The following ZNF268 variants were observed in gnomAD, a reference collection of about 807,000 sequenced individuals.
ZNF268 encodes zinc finger protein 268, also known as zinc finger protein 3.
ZNF268 carries 20 observed loss-of-function variants against 29.3 expected under a neutral mutation model. That is an observed-to-expected ratio of 0.68 (90% CI 0.48 to 0.99). The LOEUF (loss-of-function observed/expected upper bound fraction) is 0.99. Among genes scored for constraint, ZNF268 ranks in the 50% least tolerant of loss-of-function variants. The probability of loss-of-function intolerance (pLI) is 0.00; values close to 1 mark genes in which losing one functional copy is unlikely to be tolerated. For synonymous variants in ZNF268, 429 were observed against 376.9 expected, an observed-to-expected ratio of 1.14 and a Z score of -1.60; for missense variants, 1,240 against 1,121.6, an observed-to-expected ratio of 1.11 and a Z score of -1.51.
Position 133,204,470 on chromosome 12 carries a change from CT to C in ZNF268, c.2788del (p.Cys930ValfsTer14), listed in dbSNP as rs1274082572. The C allele has an allele frequency of 1.3e-6, 2 of 1,550,080 alleles. No individual in the cohort carries two copies. The highest frequency in any genetic ancestry group is 1.2e-5 in the South Asian group (1 of 84,802). ...PCKCTECGKA[F>X]CWKSQLIMHQ... The stretch of plus-strand genomic sequence containing the variant: ...GTAAGTGCACTGAATGTGGGAAAGC[CT>C]TTTGTTGGAAGTCACAGCTCATTAT... On this transcript the variant is annotated frameshift_variant, in exon 6 of 6. Coordinates refer to ENST00000536435, the MANE Select transcript of ZNF268 (RefSeq NM_003415.3). LOFTEE classifies it high-confidence loss of function.
chr12:133,189,214 CTT>C (rs561890644), intron 3 of ZNF268, among the ~76,000 whole-genome samples: 35 of 129,826 alleles, frequency 2.7e-4, no homozygotes, highest in East Asian at 4.2e-4. Context: ...GTCTTAATTC[CTT>C]TTTTTTTTTT....
In ZNF268 at chr12:133,202,780, G is replaced by T. The variant is rs561546907; in HGVS notation, c.1094G>T (p.Cys365Phe). 6.2e-7 allele frequency: 1 copy of T among 1,610,460 alleles called. No homozygotes were observed. The highest frequency in any genetic ancestry group is 8.5e-7 in the Non-Finnish European group (1 of 1,179,160). ...GAGAATCCCTATGAGTGCTGTGAAT[G>T]TGGGAAAGTCTTCAGTAGGAAAGAC... ...TGENPYECCE[C>F]GKVFSRKDQL... The change falls in exon 6 of 6, where the codon TGT becomes TTT. Residue 365 changes from cysteine (C) to phenylalanine (F), a missense_variant. Physicochemically the swap from Cys to Phe is radical, Grantham distance 205. Transcript: ENST00000536435.
At chr12:133,192,709 G>T (rs993476589) in intron 5 of ZNF268, among the ~76,000 whole-genome samples, 1 of 150,988 alleles carries the variant, frequency 6.6e-6, no homozygotes, top group Non-Finnish European at 1.5e-5. Context: ...TCATTCTGTC[G>T]CCCAGGCTGG....
Position 133,202,534 on chromosome 12 carries a change from A to G in ZNF268, c.848A>G (p.Lys283Arg). 1 of 1,612,002 alleles carries G rather than the reference A, an allele frequency of 6.2e-7. No homozygotes were observed. Among genetic ancestry groups the G allele is most frequent in the Non-Finnish European group, 8.5e-7 (1 of 1,178,952 alleles). The change falls in exon 6 of 6, where the codon AAA (lysine) becomes AGA (arginine). Residue 283 changes from lysine (K) to arginine (R), a missense_variant. Lys to Arg is a conservative substitution (Grantham distance 26). This residue lies in a region of ZNF268 where 1,177 missense variants were observed against 1,039.6 expected (regional missense o/e 1.13). Coordinates refer to ENST00000536435, the MANE Select transcript of ZNF268 (RefSeq NM_003415.3). ...CCCTTTGGATGCAGCTGTTGTGAGA[A>G]AGCCTTCAGCAGCAAGTCATACCTT... ...EKPFGCSCCEKAFSSKSYLLV... is the reference protein window; with the variant it reads ...EKPFGCSCCERAFSSKSYLLV...
rs1460392502 is a variant in ZNF268 at position 133,206,676 on chromosome 12, A to C, written c.*2146A>C. The C allele has an allele frequency of 2.0e-5, 3 of 152,084 alleles. No individual in the cohort carries two copies. The highest frequency in any genetic ancestry group is 4.8e-5 in the African/African-American group (2 of 41,460). The allele number at this position is 152,084 out of a possible 1,614,324, so 9.4% of individuals were successfully genotyped here. A position where few individuals can be genotyped will look rare whatever the true frequency, so the allele number is the denominator to read the frequency against. On this transcript the variant is annotated 3_prime_UTR_variant, in exon 6 of 6. Coordinates refer to ENST00000536435, the MANE Select transcript of ZNF268 (RefSeq NM_003415.3). ...CTATTAGATACCCAAAGAAATTTTC[A>C]TCCTTGAAGCGGAGGAATTTAATGA...
At position 133,212,442 on chromosome 12, in the gene ZNF268, AT is replaced by A. The variant is rs1566396737; in HGVS notation, c.*7916del. ...GTTCCAAGGGAGACTTTCATGTGTG[AT>A]TTTATATATATATATATATATATAT... On this transcript the variant is annotated 3_prime_UTR_variant, in exon 6 of 6. Coordinates refer to ENST00000536435, the MANE Select transcript of ZNF268 (RefSeq NM_003415.3). 5.1e-5 allele frequency: 5 copies of A among 97,770 alleles called. 1 individual carries two copies. The highest frequency in any genetic ancestry group is 1.9e-4 in the African/African-American group (5 of 25,982). The allele number at this position is 97,770 out of a possible 1,614,324, so 6.1% of individuals were successfully genotyped here. A position where few individuals can be genotyped will look rare whatever the true frequency, so the allele number is the denominator to read the frequency against.
intron 3 of ZNF268, among the ~76,000 whole-genome samples, chr12:133,188,861 T>G (rs948158809): frequency 6.6e-6 from 1 of 152,218 alleles, no homozygotes; most frequent in South Asian, 2.1e-4. Flanking sequence ...TTTTAGTCTC[T>G]TAATGCTTAC....
Position 133,206,870 on chromosome 12 carries a change from A to G in ZNF268, c.*2340A>G, listed in dbSNP as rs1471262764. The stretch of plus-strand genomic sequence containing the variant: ...TCTGGGAAATACTGTAAAGGTGTAT[A>G]TTATTATTGATGTACCAAAGAAGAC... On this transcript the variant is annotated 3_prime_UTR_variant, in exon 6 of 6. Transcript: ENST00000536435. The G allele has an allele frequency of 6.6e-6, 1 of 152,192 alleles. No individual in the cohort carries two copies. The highest frequency in any genetic ancestry group is 1.5e-5 in the Non-Finnish European group (1 of 68,034). The allele number at this position is 152,192 out of a possible 1,614,324, so 9.4% of individuals were successfully genotyped here.
intron 5 of ZNF268, among the ~76,000 whole-genome samples, chr12:133,195,720 GTT>G (rs1416695320): frequency 2.6e-5 from 4 of 151,412 alleles, no homozygotes; most frequent in Admixed American, 2.6e-4. Context: ...TTTTGTTTTT[GTT>G]TTTGTTTTTT....
chr12:133,188,164 T>G, intron 3 of ZNF268, 92 bp downstream of exon 3: 1 of 1,205,432 alleles, frequency 8.3e-7, no homozygotes, highest in Non-Finnish European at 1.1e-6. Flanking sequence ...GGTCAGAGGG[T>G]TAAGTTAATC....
In ZNF268 at chr12:133,208,280, G is replaced by C. The variant is rs906827261; in HGVS notation, c.*3750G>C. On this transcript the variant is annotated 3_prime_UTR_variant, in exon 6 of 6. Transcript: ENST00000536435. ...GGAGGCCGAGGTGGGCAGATCACTT[G>C]AGGTCAGGATTTCAAGACCAGTGTG... The C allele has an allele frequency of 6.6e-6, 1 of 152,284 alleles. No homozygotes were observed. The highest frequency in any genetic ancestry group is 1.5e-5 in the Non-Finnish European group (1 of 68,098). The allele number at this position is 152,284 out of a possible 1,614,324, so 9.4% of individuals were successfully genotyped here. A position where few individuals can be genotyped will look rare whatever the true frequency, so the allele number is the denominator to read the frequency against.
chr12:133,198,647 T>C (rs1399983740), intron 5 of ZNF268, among the ~76,000 whole-genome samples: 3 of 152,070 alleles, frequency 2.0e-5, no homozygotes, highest in African/African-American at 7.2e-5. Flanking sequence ...TTTCACGATA[T>C]AGATTCTTCC....
chr12:133,192,179 C>G (rs1956493002), intron 5 of ZNF268, among the ~76,000 whole-genome samples, 176 bp downstream of exon 5: 1 of 150,216 alleles, frequency 6.7e-6, no homozygotes, highest in African/African-American at 2.5e-5. Flanking sequence ...GTGATCTCGG[C>G]TCGCTGCATC....
In ZNF268 at chr12:133,212,129, A is replaced by G. The variant is rs1017325969; in HGVS notation, c.*7599A>G. ...GAGACCAGTGTGAAAAGGCTGTATG[A>G]TCCTATTTCTATGATGTTATGGAAA... On this transcript the variant is annotated 3_prime_UTR_variant, in exon 6 of 6. Coordinates refer to ENST00000536435, the MANE Select transcript of ZNF268 (RefSeq NM_003415.3). 1 of 152,146 alleles carries G rather than the reference A, an allele frequency of 6.6e-6. No individual in the cohort carries two copies. Among genetic ancestry groups the G allele is most frequent in the Non-Finnish European group, 1.5e-5 (1 of 68,030 alleles). The allele number at this position is 152,146 out of a possible 1,614,324, so 9.4% of individuals were successfully genotyped here.
chr12:133,203,892 A>G lies in ZNF268; in HGVS notation c.2206A>G (p.Asn736Asp). 6.3e-7 allele frequency: 1 copy of G among 1,577,976 alleles called. No individual in the cohort carries two copies. Among genetic ancestry groups the G allele is most frequent in the Non-Finnish European group, 8.6e-7 (1 of 1,165,136 alleles). The change falls in exon 6 of 6, where the codon AAT becomes GAT. Residue 736 changes from asparagine to aspartate, a missense_variant. Asn to Asp is a conservative substitution (Grantham distance 23). Coordinates refer to ENST00000536435, the MANE Select transcript of ZNF268 (RefSeq NM_003415.3). ...CRECGKSFSF[N>D]SQLIVHQRIH... ...GGAATGCGGGAAATCCTTTAGTTTC[A>G]ATTCACAACTCATTGTGCATCAGAG...
At position 133,192,431 on chromosome 12, in the gene ZNF268, C is replaced by T. The variant is rs190333645; in HGVS notation, c.457+428C>T. 3.7e-3 allele frequency among the ~76,000 whole-genome samples: 560 copies of T among 152,120 alleles called. 1 individual carries two copies. The highest frequency in any genetic ancestry group is 0.013 in the African/African-American group (544 of 41,536). On this transcript the variant is annotated intron_variant, in intron 5 of 5. Transcript: ENST00000536435. ...CCTTACCATCCACTCTTAATCTTCT[C>T]GTTGGCACCCTTATTTCCCTCCTTA...
intron 5 of ZNF268, 119 bp from the exon 6 acceptor site, chr12:133,202,025 A>T: frequency 1.3e-6 from 1 of 790,078 alleles, no homozygotes; most frequent in Non-Finnish European, 1.9e-6. Flanking sequence ...GGAACTTTCT[A>T]GTATACCACA....
At chr12:133,184,808 A>G in intron 2 of ZNF268, 5 of 387,558 alleles carry the variant, frequency 1.3e-5, no homozygotes, top group South Asian at 8.8e-5. Flanking sequence ...TAATACCATC[A>G]CAATGGGGGT....
At position 133,205,575 on chromosome 12, in the gene ZNF268, G is replaced by T. The variant is rs1956884515; in HGVS notation, c.*1045G>T. On this transcript the variant is annotated 3_prime_UTR_variant, in exon 6 of 6. Coordinates refer to ENST00000536435, the MANE Select transcript of ZNF268 (RefSeq NM_003415.3). ...CTGCATACCAACATTGTTTCTTTGT[G>T]TCTTACCAAATGCAACTTGTTACTA... 6.6e-6 allele frequency: 1 copy of T among 151,990 alleles called. No individual in the cohort carries two copies. The highest frequency in any genetic ancestry group is 6.6e-5 in the Admixed American group (1 of 15,254). 9.4% of individuals were successfully genotyped at this position (151,990 alleles called of 1,614,324 possible).
Sources: allele counts gnomAD v4.1 joint callset (sites outside exome capture counted in the v4.1 genomes callset), GRCh38; gene constraint gnomAD v4.1.1; regional missense constraint gnomAD v4.1.1; transcripts MANE v1.5; gene names NCBI Gene and HGNC (gene_info 2026-07-23, HGNC 2026-07-21).